SPOCK3: variants seen among roughly 807,000 people sequenced by gnomAD.
SPOCK3 encodes testican-3.
In SPOCK3, 30 loss-of-function variants were observed where a neutral mutation model predicts 56.6. The observed-to-expected ratio is 0.53, with a 90% confidence interval of 0.40 to 0.72. The LOEUF (loss-of-function observed/expected upper bound fraction) is 0.72. SPOCK3 is among the 30% of genes least tolerant of loss of function. The probability of loss-of-function intolerance (pLI) is 0.00; values close to 1 mark genes in which losing one functional copy is unlikely to be tolerated. For missense variants in SPOCK3, 527 were observed against 530.0 expected (o/e 0.99, Z 0.06); for synonymous variants, 196 against 183.3 (o/e 1.07, Z -0.56).
chr4:166,851,936 G>A (rs1261891715), intron 6 of SPOCK3, among the ~76,000 whole-genome samples: 20 of 151,890 alleles, frequency 1.3e-4, no homozygotes, highest in African/African-American at 4.8e-4. Flanking sequence ...AGAAAATGTG[G>A]CACATATACA....
chr4:167,199,578 T>TTGTCCTCTCA (rs1192530587), intron 2 of SPOCK3, among the ~76,000 whole-genome samples: 1 of 151,868 alleles, frequency 6.6e-6, no homozygotes, highest in Non-Finnish European at 1.5e-5. Flanking sequence ...CTTCCTCTAC[T>TTGTCCTCTCA]CAGTTCTCTC....
At chr4:166,867,973 T>A (rs1272023586) in intron 6 of SPOCK3, among the ~76,000 whole-genome samples, 1 of 151,970 alleles carries the variant, frequency 6.6e-6, no homozygotes, top group Non-Finnish European at 1.5e-5. Flanking sequence ...ATTTGATTTG[T>A]TGGATTAAGA....
chr4:167,076,545 C>T (rs1757202199), intron 2 of SPOCK3, among the ~76,000 whole-genome samples: 1 of 151,702 alleles, frequency 6.6e-6, no homozygotes, highest in Admixed American at 6.6e-5. Context: ...TTTGAATTTA[C>T]ATCTCTAATT....
intron 6 of SPOCK3, among the ~76,000 whole-genome samples, chr4:166,793,005 G>T (rs942667383): frequency 6.6e-6 from 1 of 152,042 alleles, no homozygotes; most frequent in Non-Finnish European, 1.5e-5. Context: ...GCAATTAGCA[G>T]AATATGTGTG....
chr4:167,042,856 C>A (rs1318312976), intron 3 of SPOCK3, among the ~76,000 whole-genome samples: 1 of 152,044 alleles, frequency 6.6e-6, no homozygotes, highest in Non-Finnish European at 1.5e-5. Flanking sequence ...GTAAGTCATG[C>A]CAATAAGTGG....
Position 167,055,920 on chromosome 4 carries a change from G to A in SPOCK3, c.235+6572C>T, listed in dbSNP as rs1458667841. ...AGCACTAACCTCTGCAGACTTAAAT[G>A]TCCCTGTCTGACAGCTTTGAAGAGA... On this transcript the variant is annotated intron_variant, in intron 3 of 10. Transcript: ENST00000357545. 2.2e-4 allele frequency among the ~76,000 whole-genome samples: 34 copies of A among 152,268 alleles called. No homozygotes were observed. In the East Asian group the frequency reaches 6.4e-3, roughly 29 times the overall value.
intron 7 of SPOCK3, among the ~76,000 whole-genome samples, chr4:166,770,543 G>A (rs1374759890): frequency 6.6e-6 from 1 of 152,058 alleles, no homozygotes; most frequent in Non-Finnish European, 1.5e-5. Context: ...ACCAGTTGTG[G>A]AGCTGAAATG....
chr4:167,208,669 T>A (rs1311548881), intron 2 of SPOCK3, among the ~76,000 whole-genome samples: 1 of 151,958 alleles, frequency 6.6e-6, no homozygotes, highest in Non-Finnish European at 1.5e-5. Flanking sequence ...TACCACCTGA[T>A]GATAGTAAGC....
At chr4:166,845,161 T>A (rs1041915668) in intron 6 of SPOCK3, among the ~76,000 whole-genome samples, 16 of 152,212 alleles carry the variant, frequency 1.1e-4, no homozygotes, top group Admixed American at 5.2e-4. Flanking sequence ...AATTTATGAA[T>A]CTTTGTGATA....
intron 4 of SPOCK3, among the ~76,000 whole-genome samples, chr4:166,930,888 C>CA (rs1739665013): frequency 6.6e-6 from 1 of 152,114 alleles, no homozygotes; most frequent in South Asian, 2.1e-4. Context: ...ATAAATGTGT[C>CA]AATTTGTCAT....
intron 2 of SPOCK3, among the ~76,000 whole-genome samples, chr4:167,080,878 CTTTT>C (rs766090610): frequency 1.5e-5 from 2 of 129,056 alleles, no homozygotes; most frequent in Non-Finnish European, 1.6e-5. Context: ...CTCTTTCTTT[CTTTT>C]TTTTTTTTTT....
At chr4:166,894,509 C>T (rs944446206) in intron 5 of SPOCK3, among the ~76,000 whole-genome samples, 1 of 152,060 alleles carries the variant, frequency 6.6e-6, no homozygotes, top group Admixed American at 6.6e-5. Flanking sequence ...TTCATTTTAC[C>T]TTATACTTCA....
chr4:166,941,504 C>T (rs1251201197), intron 4 of SPOCK3, among the ~76,000 whole-genome samples: 1 of 152,048 alleles, frequency 6.6e-6, no homozygotes, highest in Non-Finnish European at 1.5e-5. Flanking sequence ...TTTTGTAATA[C>T]AGTGTTGTCC....
chr4:166,949,490 G>C (rs1043534413), intron 4 of SPOCK3, among the ~76,000 whole-genome samples: 1 of 152,096 alleles, frequency 6.6e-6, no homozygotes, highest in Non-Finnish European at 1.5e-5. Context: ...TTTGGTCTTT[G>C]ATGATGGTGA....
chr4:167,114,386 G>A (rs746763136), intron 2 of SPOCK3, among the ~76,000 whole-genome samples: 2 of 152,074 alleles, frequency 1.3e-5, no homozygotes, highest in African/African-American at 4.8e-5. Context: ...CAGAGAACCC[G>A]AACAGAGTTT....
intron 2 of SPOCK3, among the ~76,000 whole-genome samples, chr4:167,229,883 G>T (rs1736981723): frequency 6.6e-6 from 1 of 151,986 alleles, no homozygotes; most frequent in Non-Finnish European, 1.5e-5. Flanking sequence ...GTTGATTATG[G>T]TTTCTATAAC....
At chr4:167,073,259 A>G (rs1756863617) in intron 2 of SPOCK3, among the ~76,000 whole-genome samples, 1 of 151,750 alleles carries the variant, frequency 6.6e-6, no homozygotes, top group South Asian at 2.1e-4. Context: ...ATATAAATAC[A>G]TACATTTATA....
In SPOCK3 at chr4:166,861,244, G is replaced by T. The variant is rs187548749; in HGVS notation, c.589+27886C>A. On this transcript the variant is annotated intron_variant, in intron 6 of 10. Transcript: ENST00000357545. ...GATAAAATTAAAAACCTGGATAAGAGCCTGTCCTGAAGGCAACTGTGCAAA... is the reference window on the plus strand; with the variant it reads ...GATAAAATTAAAAACCTGGATAAGATCCTGTCCTGAAGGCAACTGTGCAAA... Among the ~76,000 whole-genome samples the T allele has an allele frequency of 3.6e-3, 551 of 152,152 alleles. 2 individuals carry two copies. Among genetic ancestry groups the T allele is most frequent in the Non-Finnish European group, 3.9e-3 (266 of 67,998 alleles).
chr4:166,740,361 A>C (rs7678556), intron 9 of SPOCK3, among the ~76,000 whole-genome samples: 119,517 of 151,608 alleles, frequency 0.79, 47,370 homozygotes, highest in South Asian at 0.82. Context: ...TTCAAATAAT[A>C]AAAACCTGTA....
Sources: gnomAD v4.1 joint callset for allele counts (sites outside exome capture counted in the v4.1 genomes callset) on GRCh38, gnomAD v4.1.1 for gene constraint, MANE v1.5 for transcripts, NCBI Gene and HGNC (gene_info 2026-07-23, HGNC 2026-07-21) for gene names.